The following SS18 variants were observed in gnomAD, a reference collection of about 807,000 sequenced individuals.
The protein encoded by SS18 is protein SSXT.
A neutral mutation model predicts 72.5 loss-of-function variants in SS18; 28 were observed. The ratio of observed to expected loss-of-function variants is 0.39; its 90% CI spans 0.29 to 0.53. The LOEUF is 0.53. Ranked by LOEUF, SS18 falls within the 20% of genes least tolerant of loss-of-function variation. SS18 has a pLI of 0.76. For synonymous variants in SS18, 172 were observed against 164.2 expected (o/e 1.05, Z -0.37); for missense variants, 518 against 535.3 (o/e 0.97, Z 0.32).
In SS18 at chr18:26,032,412, T is replaced by C; in HGVS notation, c.1217A>G (p.Tyr406Cys). Reference protein sequence around the residue: ...GPPQPPQQRPYGYDQGQYGNY... With the variant: ...GPPQPPQQRPCGYDQGQYGNY... ...CAAACTACTTACCTGGTCATATCCA[T>C]AAGGCCTCTGCTGGGGTGGCTGTGG... Residue 406 changes from tyrosine (Y) to cysteine (C), a missense_variant, in exon 10 of 11, where the codon TAT becomes TGT. By Grantham distance (194) the Tyr-to-Cys change is radical. Coordinates refer to ENST00000415083, the MANE Select transcript of SS18 (RefSeq NM_001007559.3). 2 of 1,613,812 alleles carry C rather than the reference T, an allele frequency of 1.2e-6. No homozygotes were observed. The highest frequency in any genetic ancestry group is 2.2e-5 in the East Asian group (1 of 44,868).
chr18:26,072,849 G>C (rs1312410157), intron 3 of SS18, among the ~76,000 whole-genome samples: 5 of 139,500 alleles, frequency 3.6e-5, no homozygotes, highest in Non-Finnish European at 6.1e-5. Flanking sequence ...AGGAAAATCA[G>C]TCAGTCCACA....
At chr18:26,058,765 T>G (rs1376455823) in intron 3 of SS18, among the ~76,000 whole-genome samples, 1 of 152,220 alleles carries the variant, frequency 6.6e-6, no homozygotes, top group Admixed American at 6.5e-5. Context: ...CATTTTAAAA[T>G]CAGAATTTTA....
intron 3 of SS18, among the ~76,000 whole-genome samples, chr18:26,067,131 T>C (rs2054234407): frequency 6.6e-6 from 1 of 152,200 alleles, no homozygotes; most frequent in African/African-American, 2.4e-5. Context: ...ATGTCTTAAT[T>C]TGTACTAAAA....
At chr18:26,087,284 T>C (rs945078237) in intron 2 of SS18, among the ~76,000 whole-genome samples, 1 of 152,168 alleles carries the variant, frequency 6.6e-6, no homozygotes, top group African/African-American at 2.4e-5. Flanking sequence ...TGCCAAAGGA[T>C]ACCCAGTGTC....
chr18:26,018,433 A>C, intron 10 of SS18, 53 bp from the exon 11 acceptor site: 2 of 1,336,696 alleles, frequency 1.5e-6, no homozygotes, highest in Non-Finnish European at 1.0e-6. Flanking sequence ...CATAACAGGC[A>C]AAGAAGATTA....
At chr18:26,053,896 G>C (rs1233164842) in intron 4 of SS18, among the ~76,000 whole-genome samples, 1 of 152,150 alleles carries the variant, frequency 6.6e-6, no homozygotes, top group Non-Finnish European at 1.5e-5. Context: ...GGAATCAAGG[G>C]TGGGATCAAG....
chr18:26,042,623 T>C (rs1743163330), intron 5 of SS18, among the ~76,000 whole-genome samples: 1 of 150,346 alleles, frequency 6.7e-6, no homozygotes, highest in African/African-American at 2.5e-5. Flanking sequence ...TAATTTTATC[T>C]TAAGTCAGTG....
At position 26,035,409 on chromosome 18, in the gene SS18, T is replaced by C. The variant is rs543618214; in HGVS notation, c.974-282A>G. The stretch of plus-strand genomic sequence containing the variant: ...CATCACAGTCATAAGATCATGACTA[T>C]GCTAAATAAAATAAAAAAGACAAAA... On this transcript the variant is annotated intron_variant, in intron 8 of 10. Coordinates refer to ENST00000415083, the MANE Select transcript of SS18 (RefSeq NM_001007559.3). This position sits in a 1 kb window ranked among gnomAD's most constrained non-coding sequence, Gnocchi z 4.4. The C allele has an allele frequency of 2.0e-4, 70 of 354,668 alleles. 1 individual carries two copies. The East Asian group carries it at 2.7e-3, about 14-fold the overall frequency. The allele number at this position is 354,668 out of a possible 1,614,324, so 22.0% of individuals were successfully genotyped here.
intron 3 of SS18, among the ~76,000 whole-genome samples, chr18:26,072,954 G>A (rs2054342770): frequency 6.6e-6 from 1 of 151,764 alleles, no homozygotes; most frequent in Non-Finnish European, 1.5e-5. Flanking sequence ...AATCATTAAG[G>A]CTACAGAGGA....
upstream of SS18, chr18:26,090,627 G>A (rs914386792): frequency 3.3e-6 from 5 of 1,514,096 alleles, no homozygotes; most frequent in Middle Eastern, 1.7e-4. Context: ...CGGCAAACTG[G>A]GGGAGAGACG....
intron 3 of SS18, among the ~76,000 whole-genome samples, chr18:26,064,577 A>G (rs115153771): frequency 1.2e-3 from 181 of 152,222 alleles, no homozygotes; most frequent in African/African-American, 4.3e-3. Context: ...ACCTACTCAC[A>G]ATAAAATCTT....
At chr18:26,077,781 G>T (rs889414761) in intron 3 of SS18, among the ~76,000 whole-genome samples, 1 of 152,030 alleles carries the variant, frequency 6.6e-6, no homozygotes, top group Non-Finnish European at 1.5e-5. Context: ...AAGATGTCTG[G>T]GACTTGCTGT....
chr18:26,040,477 T>C (rs1028779299), intron 5 of SS18, among the ~76,000 whole-genome samples: 1 of 152,262 alleles, frequency 6.6e-6, no homozygotes, highest in African/African-American at 2.4e-5. Flanking sequence ...TTGAGTGACA[T>C]GGAGAAAATT....
chr18:26,079,001 G>A (rs1249061053), intron 2 of SS18: 1 of 152,200 alleles, frequency 6.6e-6, no homozygotes. Flanking sequence ...AAAGGAGGTG[G>A]GAACCACACC....
chr18:26,080,896 C>A (rs974103182), intron 2 of SS18, among the ~76,000 whole-genome samples: 1 of 151,966 alleles, frequency 6.6e-6, no homozygotes, highest in African/African-American at 2.4e-5. Context: ...AGGCTATTCC[C>A]TCATATAACA....
chr18:26,079,367 G>A (rs2054476178), intron 2 of SS18, among the ~76,000 whole-genome samples: 1 of 152,116 alleles, frequency 6.6e-6, no homozygotes, highest in African/African-American at 2.4e-5. Context: ...TTTTGTCTCA[G>A]TGCAGCCATA....
At chr18:26,023,375 A>G (rs2053386719) in intron 10 of SS18, among the ~76,000 whole-genome samples, 1 of 152,232 alleles carries the variant, frequency 6.6e-6, no homozygotes, top group African/African-American at 2.4e-5. Flanking sequence ...AACTCCAAGC[A>G]TAAGAAACAT....
At chr18:26,030,370 A>G (rs1237171767) in intron 10 of SS18, among the ~76,000 whole-genome samples, 3 of 152,198 alleles carry the variant, frequency 2.0e-5, no homozygotes, top group Non-Finnish European at 4.4e-5. Context: ...TTCCGAAGGA[A>G]TATTTCTCAA....
intron 3 of SS18, chr18:26,068,309 G>A (rs372113096): frequency 3.6e-4 from 55 of 152,076 alleles, no homozygotes; most frequent in African/African-American, 1.3e-3. Context: ...CAGGGTACAC[G>A]GCAAGTTCTA....
Sources: allele counts gnomAD v4.1 joint callset (sites outside exome capture counted in the v4.1 genomes callset), GRCh38; gene constraint gnomAD v4.1.1; non-coding constraint Gnocchi (gnomAD v3.1); transcripts MANE v1.5; gene names NCBI Gene and HGNC (gene_info 2026-07-23, HGNC 2026-07-21).